Variants in ZNF567 observed in about 807,000 individuals in gnomAD.
ZNF567 encodes the protein zinc finger protein 567.
In ZNF567, 36 loss-of-function variants were observed where a neutral mutation model predicts 53.9. That is an observed-to-expected ratio of 0.67 (90% confidence interval 0.51 to 0.88). ZNF567 has a LOEUF of 0.88. ZNF567 is among the 40% of genes least tolerant of loss of function. The pLI is 0.00. For missense variants in ZNF567, 619 were observed against 764.7 expected (o/e 0.81, Z 2.25); for synonymous variants, 224 against 260.4 (o/e 0.86, Z 1.35).
upstream of ZNF567, among the ~76,000 whole-genome samples, chr19:36,684,507 A>G (rs1336012477): frequency 6.6e-6 from 1 of 152,176 alleles, no homozygotes; most frequent in East Asian, 1.9e-4. Flanking sequence ...GACATTCCAG[A>G]GCACTAATTC....
downstream of ZNF567, among the ~76,000 whole-genome samples, chr19:36,724,334 C>T (rs2040326511): frequency 6.6e-6 from 1 of 150,930 alleles, no homozygotes; most frequent in Non-Finnish European, 1.5e-5. Context: ...AATCATCATT[C>T]TGTTTTCCAC....
chr19:36,724,186 A>G (rs565573417), downstream of ZNF567, among the ~76,000 whole-genome samples: 1 of 151,046 alleles, frequency 6.6e-6, no homozygotes, highest in South Asian at 2.1e-4. Context: ...TTGTATTTTT[A>G]GTAGAGATAG....
intron 3 of ZNF567, among the ~76,000 whole-genome samples, chr19:36,711,044 A>G (rs945793646): frequency 6.6e-6 from 1 of 151,726 alleles, no homozygotes; most frequent in African/African-American, 2.4e-5. Context: ...CACTTCCAGA[A>G]TTAACCTAAA....
chr19:36,710,977 A>T (rs1480722371), intron 3 of ZNF567, among the ~76,000 whole-genome samples: 1 of 152,106 alleles, frequency 6.6e-6, no homozygotes, highest in Non-Finnish European at 1.5e-5. Flanking sequence ...TTTATCAACC[A>T]GGAGTTTGGC....
chr19:36,690,456 G>A (rs1295796708), intron 2 of ZNF567, among the ~76,000 whole-genome samples: 7 of 152,090 alleles, frequency 4.6e-5, no homozygotes, highest in Admixed American at 4.6e-4. Flanking sequence ...GCCAGGCGTA[G>A]TGGCACGCCC....
downstream of ZNF567, among the ~76,000 whole-genome samples, chr19:36,726,932 A>G (rs1408765295): frequency 1.5e-5 from 2 of 133,020 alleles, no homozygotes; most frequent in South Asian, 2.3e-4. Context: ...TGCAAGGTGC[A>G]TGAGTGGAGT....
intron 3 of ZNF567, among the ~76,000 whole-genome samples, chr19:36,701,535 T>C (rs1051560464): frequency 2.0e-5 from 3 of 152,172 alleles, no homozygotes; most frequent in African/African-American, 7.2e-5. Flanking sequence ...TTAAAGTCTC[T>C]CCCATTATTA....
At chr19:36,700,261 C>T (rs2039107175) in intron 3 of ZNF567, among the ~76,000 whole-genome samples, 1 of 146,664 alleles carries the variant, frequency 6.8e-6, no homozygotes, top group Non-Finnish European at 1.5e-5. Context: ...CCTTGCATCC[C>T]AGGGATGAAG....
chr19:36,687,642 T>G lies in ZNF567; in HGVS notation c.-168+8T>G, dbSNP rs979975248. 2.0e-5 allele frequency: 3 copies of G among 152,382 alleles called. No individual in the cohort carries two copies. The highest frequency in any genetic ancestry group is 4.8e-5 in the African/African-American group (2 of 41,436). 9.4% of individuals were successfully genotyped at this position (152,382 alleles called of 1,614,324 possible). On this transcript the variant is annotated splice_region_variant and intron_variant, in intron 1 of 5. Transcript: ENST00000682579. ...CCCGGCCGGCAACCGAAGGTGAGGC[T>G]GGTGGGTCCCGCGGGCGCGGAGAAG...
chr19:36,691,498 G>A lies in ZNF567; in HGVS notation c.-67+2001G>A, dbSNP rs184513381. Among the ~76,000 whole-genome samples, 9 of 152,182 alleles carry A rather than the reference G, an allele frequency of 5.9e-5. No individual in the cohort carries two copies. The East Asian group carries it at 9.6e-4, about 16-fold the overall frequency. On this transcript the variant is annotated intron_variant, in intron 2 of 5. Coordinates refer to ENST00000682579, the MANE Select transcript of ZNF567 (RefSeq NM_001322917.1). ...TACTTTGTTAGTGACAAAAGCAACC[G>A]AATATTATATTCTATCTTTTATCTA...
chr19:36,668,697 A>G, the ZNF567 span: 3 of 152,210 alleles, frequency 2.0e-5, no homozygotes, highest in Non-Finnish European at 4.4e-5. Context: ...GCCAGAAGGG[A>G]CAGATCCATG....
chr19:36,692,996 C>T (rs202078019), intron 2 of ZNF567, among the ~76,000 whole-genome samples: 1 of 151,858 alleles, frequency 6.6e-6, no homozygotes, highest in Non-Finnish European at 1.5e-5. Flanking sequence ...TTTCAGCAAC[C>T]CTGGGAGTAG....
At chr19:36,691,243 G>T (rs756459151) in intron 2 of ZNF567, among the ~76,000 whole-genome samples, 24 of 152,002 alleles carry the variant, frequency 1.6e-4, no homozygotes, top group Non-Finnish European at 3.1e-4. Flanking sequence ...CTGCAGCCTC[G>T]ATCTCCCTGG....
At chr19:36,676,054 C>CTTTTTTTTTT in the ZNF567 span, among the ~76,000 whole-genome samples, 1 of 97,102 alleles carries the variant, frequency 1.0e-5, no homozygotes, top group Non-Finnish European at 2.2e-5. Context: ...TTATTCTACA[C>CTTTTTTTTTT]CTTTTTTTTT....
chr19:36,703,163 G>C (rs2039300981), intron 3 of ZNF567, among the ~76,000 whole-genome samples: 1 of 152,008 alleles, frequency 6.6e-6, no homozygotes, highest in Non-Finnish European at 1.5e-5. Context: ...CTCAGCTGCA[G>C]GTCTGTTGGA....
At chr19:36,679,193 G>A in the ZNF567 span, among the ~76,000 whole-genome samples, 2 of 152,164 alleles carry the variant, frequency 1.3e-5, no homozygotes, top group African/African-American at 4.8e-5. Flanking sequence ...GGCTGAGGCA[G>A]GAGAATCGCT....
the ZNF567 span, among the ~76,000 whole-genome samples, chr19:36,678,792 C>T: frequency 1.3e-5 from 2 of 151,068 alleles, no homozygotes. Flanking sequence ...TGCAGTGAGC[C>T]GAGATCGCCC....
At chr19:36,675,283 T>C in the ZNF567 span, among the ~76,000 whole-genome samples, 3 of 152,176 alleles carry the variant, frequency 2.0e-5, no homozygotes, top group Non-Finnish European at 4.4e-5. Context: ...CTCACACATG[T>C]AATACCAGTA....
At chr19:36,723,280 C>T (rs2040319597), downstream of ZNF567, 3 of 700,808 alleles carry the variant, frequency 4.3e-6, no homozygotes, top group Non-Finnish European at 5.2e-6. Context: ...GGACATTCTA[C>T]TCCCCTTTGA....
Sources: gnomAD v4.1 joint callset for allele counts (sites outside exome capture counted in the v4.1 genomes callset) on GRCh38, gnomAD v4.1.1 for gene constraint, MANE v1.5 for transcripts, NCBI Gene and HGNC (gene_info 2026-07-23, HGNC 2026-07-21) for gene names.